Variants in RBFOX1 observed in about 807,000 individuals in gnomAD.
The protein encoded by RBFOX1 is RNA binding fox-1 homolog 1.
A neutral mutation model predicts 57.7 loss-of-function variants in RBFOX1; 8 were observed. The ratio of observed to expected loss-of-function variants is 0.14; its 90% confidence interval spans 0.08 to 0.25. RBFOX1 has a LOEUF of 0.25. Among genes scored for constraint, RBFOX1 ranks in the 10% least tolerant of loss-of-function variants. The pLI is 1.00. For synonymous variants in RBFOX1, 326 were observed against 222.4 expected (o/e 1.47, Z -4.15); for missense variants, 611 against 548.5 (o/e 1.11, Z -1.14).
At chr16:7,567,511 C>T (rs1446137416) in intron 5 of RBFOX1, among the ~76,000 whole-genome samples, 2 of 123,074 alleles carry the variant, frequency 1.6e-5, no homozygotes, top group Non-Finnish European at 3.4e-5. Context: ...CTATGTATGG[C>T]CCTATATATA....
chr16:5,436,990 G>A (rs1019183273), intron 1 of RBFOX1, among the ~76,000 whole-genome samples: 1 of 152,208 alleles, frequency 6.6e-6, no homozygotes, highest in Non-Finnish European at 1.5e-5. Flanking sequence ...ATGACTGGCA[G>A]AAAGGGCTGT....
intron 4 of RBFOX1, among the ~76,000 whole-genome samples, chr16:5,990,703 C>T (rs1377604307): frequency 6.7e-6 from 1 of 150,290 alleles, no homozygotes; most frequent in African/African-American, 2.4e-5. Flanking sequence ...CACAGTGGCT[C>T]ACGCCTGTAA....
Position 5,910,278 on chromosome 16 carries a change from T to TCCACATAGCA in RBFOX1, c.351+42943_351+42944insCCACATAGCA, listed in dbSNP as rs536274174. ...CCTCAGGCCAGTCTCAGGGAGAAGT[T>TCCACATAGCA]TCACATAGCATCACACAGAGGGGCA... On this transcript the variant is annotated intron_variant, in intron 4 of 19. Coordinates refer to the RBFOX1 transcript ENST00000641259. Among the ~76,000 whole-genome samples the TCCACATAGCA allele has an allele frequency of 3.3e-5, 5 of 152,036 alleles. No individual in the cohort carries two copies. In the East Asian group the frequency reaches 9.7e-4, roughly 30 times the overall value.
chr16:6,661,834 G>T (rs933046374), intron 3 of RBFOX1, among the ~76,000 whole-genome samples: 1 of 152,198 alleles, frequency 6.6e-6, no homozygotes, highest in Non-Finnish European at 1.5e-5. Context: ...TTATTTGGTA[G>T]TTCAACTTCT....
chr16:6,098,919 C>T (rs934030999), intron 1 of RBFOX1, among the ~76,000 whole-genome samples: 10 of 152,136 alleles, frequency 6.6e-5, no homozygotes, highest in African/African-American at 1.2e-4. Context: ...GATGTGGCTT[C>T]GTTGAAGGAC....
At chr16:5,445,189 C>G (rs569474222) in intron 1 of RBFOX1, among the ~76,000 whole-genome samples, 12 of 152,108 alleles carry the variant, frequency 7.9e-5, no homozygotes, top group Non-Finnish European at 1.6e-4. Context: ...GTAGCTTAGA[C>G]CAGAGTGATA....
At chr16:6,558,776 C>G (rs1339144936) in intron 2 of RBFOX1, among the ~76,000 whole-genome samples, 1 of 149,844 alleles carries the variant, frequency 6.7e-6, no homozygotes, top group African/African-American at 2.5e-5. Flanking sequence ...TTCCCCCACC[C>G]CCACCCCCTG....
intron 3 of RBFOX1, among the ~76,000 whole-genome samples, chr16:6,769,202 G>A (rs1295918549): frequency 6.6e-6 from 1 of 152,096 alleles, no homozygotes; most frequent in Admixed American, 6.5e-5. Context: ...GAGATCCGAT[G>A]GTTTTATAAA....
chr16:7,259,736 A>G (rs2094843380), intron 4 of RBFOX1, among the ~76,000 whole-genome samples: 2 of 152,198 alleles, frequency 1.3e-5, no homozygotes, highest in South Asian at 4.1e-4. Flanking sequence ...TGTAGTAACA[A>G]TGCCACATGC....
chr16:6,265,540 G>A (rs753389045), intron 1 of RBFOX1, among the ~76,000 whole-genome samples: 3 of 152,140 alleles, frequency 2.0e-5, no homozygotes, highest in Non-Finnish European at 2.9e-5. Context: ...GGGATTACAG[G>A]TATGAGCCAC....
At chr16:5,659,810 G>T (rs141554420) in intron 3 of RBFOX1, among the ~76,000 whole-genome samples, 1 of 152,296 alleles carries the variant, frequency 6.6e-6, no homozygotes, top group African/African-American at 2.4e-5. Flanking sequence ...TTTGTCATCA[G>T]TCAAATCATT....
intron 3 of RBFOX1, among the ~76,000 whole-genome samples, chr16:6,950,688 G>T (rs1441577055): frequency 6.6e-6 from 1 of 152,062 alleles, no homozygotes; most frequent in African/African-American, 2.4e-5. Flanking sequence ...TTGAGTTGAA[G>T]AATGAAAAAA....
At chr16:7,511,484 C>T (rs913664669) in intron 4 of RBFOX1, among the ~76,000 whole-genome samples, 1 of 152,162 alleles carries the variant, frequency 6.6e-6, no homozygotes, top group South Asian at 2.1e-4. Context: ...CTCTGAGCAT[C>T]AGAAGAGTGG....
intron 4 of RBFOX1, among the ~76,000 whole-genome samples, chr16:5,949,525 C>CAA (rs59221283): frequency 1.6e-4 from 5 of 32,218 alleles, no homozygotes; most frequent in Non-Finnish European, 3.0e-4. Context: ...GAGTCCATCT[C>CAA]AAAAAAAAAA....
At chr16:6,591,447 CTG>C (rs1209565409) in intron 2 of RBFOX1, among the ~76,000 whole-genome samples, 8 of 152,088 alleles carry the variant, frequency 5.3e-5, no homozygotes, top group Non-Finnish European at 1.0e-4. Flanking sequence ...TAGTGAGACT[CTG>C]TCTCACAAAA....
intron 1 of RBFOX1, among the ~76,000 whole-genome samples, chr16:5,388,993 C>T (rs1184786441): frequency 6.6e-6 from 1 of 151,426 alleles, no homozygotes; most frequent in Non-Finnish European, 1.5e-5. Flanking sequence ...AGATCGAGAC[C>T]ATCTTGGCTA....
intron 11 of RBFOX1, among the ~76,000 whole-genome samples, chr16:7,646,481 C>A (rs1477984435): frequency 6.6e-6 from 1 of 152,210 alleles, no homozygotes; most frequent in African/African-American, 2.4e-5. Context: ...GAATCTCTCT[C>A]CATCTTAAAA....
At chr16:7,242,369 C>G (rs965858006) in intron 4 of RBFOX1, among the ~76,000 whole-genome samples, 9 of 152,270 alleles carry the variant, frequency 5.9e-5, no homozygotes, top group Admixed American at 5.2e-4. Context: ...ACAGGTTGTG[C>G]CACATGACAG....
At chr16:5,856,573 G>GTATATATATA (rs1173432604) in intron 3 of RBFOX1, among the ~76,000 whole-genome samples, 5 of 25,542 alleles carry the variant, frequency 2.0e-4, no homozygotes, top group Non-Finnish European at 2.3e-4. Context: ...ATGTGTGTGT[G>GTATATATATA]TGTATATATA....
Sources: allele counts gnomAD v4.1 joint callset (sites outside exome capture counted in the v4.1 genomes callset), GRCh38; gene constraint gnomAD v4.1.1; transcripts MANE v1.5; gene names NCBI Gene and HGNC (gene_info 2026-07-23, HGNC 2026-07-21).